The following PDE8B variants were observed in gnomAD, a reference collection of about 807,000 sequenced individuals.
PDE8B encodes the protein phosphodiesterase 8B, also known as high affinity cAMP-specific and IBMX-insensitive 3',5'-cyclic phosphodiesterase 8B.
PDE8B carries 26 observed loss-of-function variants against 101.3 expected under a neutral mutation model. The ratio of observed to expected loss-of-function variants is 0.26; its 90% CI spans 0.19 to 0.36. PDE8B has a LOEUF of 0.36. Ranked by LOEUF, PDE8B falls within the 10% of genes least tolerant of loss-of-function variation. The probability of loss-of-function intolerance (pLI) is 1.00; values close to 1 mark genes in which losing one functional copy is unlikely to be tolerated. For missense variants in PDE8B, 810 were observed against 1,163.1 expected, an observed-to-expected ratio of 0.70 and a Z score of 4.42; for synonymous variants, 424 against 429.3, an observed-to-expected ratio of 0.99 and a Z score of 0.15.
upstream of PDE8B, among the ~76,000 whole-genome samples, chr5:77,210,035 A>G (rs549199937): frequency 6.6e-6 from 1 of 152,252 alleles, no homozygotes; most frequent in African/African-American, 2.4e-5. This position sits in a 1 kb window ranked among gnomAD's most constrained non-coding sequence, Gnocchi z 4.9. Flanking sequence ...AGGTCTCTCC[A>G]TCACTTCCCG....
chr5:77,187,447 G>A, the PDE8B span, among the ~76,000 whole-genome samples: 4 of 152,140 alleles, frequency 2.6e-5, no homozygotes, highest in Non-Finnish European at 4.4e-5. Context: ...CTAAACTGAA[G>A]CCAGGAGATA....
At chr5:77,313,423 G>T (rs994740040) in intron 2 of PDE8B, among the ~76,000 whole-genome samples, 1 of 152,108 alleles carries the variant, frequency 6.6e-6, no homozygotes. Context: ...GAAAATTTCA[G>T]TAATCATTCT....
the PDE8B span, among the ~76,000 whole-genome samples, chr5:77,186,282 A>C: frequency 4.6e-5 from 7 of 152,242 alleles, no homozygotes; most frequent in East Asian, 1.3e-3. Context: ...TATTAAAGTC[A>C]TAGGTTCCTA....
At chr5:77,339,762 A>T (rs559130783) in intron 6 of PDE8B, among the ~76,000 whole-genome samples, 1 of 152,240 alleles carries the variant, frequency 6.6e-6, no homozygotes, top group South Asian at 2.1e-4. Context: ...GACAGTCTGT[A>T]CTGCAGGATG....
chr5:77,117,781 T>C, the PDE8B span, among the ~76,000 whole-genome samples: 1 of 152,214 alleles, frequency 6.6e-6, no homozygotes, highest in African/African-American at 2.4e-5. Flanking sequence ...AATCACATAC[T>C]GTCTTGTACT....
intron 5 of PDE8B, among the ~76,000 whole-genome samples, chr5:77,331,862 G>T (rs762560149): frequency 3.0e-4 from 45 of 152,206 alleles, no homozygotes; most frequent in Non-Finnish European, 5.1e-4. Context: ...GCTGGCCAGA[G>T]CTTCTACCCT....
intron 2 of PDE8B, among the ~76,000 whole-genome samples, chr5:77,316,529 G>T (rs1262346723): frequency 6.6e-6 from 1 of 152,070 alleles, no homozygotes; most frequent in Non-Finnish European, 1.5e-5. Context: ...ACCGTGCCCG[G>T]CCTGAAATTA....
chr5:77,177,329 C>A, the PDE8B span, among the ~76,000 whole-genome samples: 1 of 152,188 alleles, frequency 6.6e-6, no homozygotes, highest in African/African-American at 2.4e-5. Context: ...TAGTAATGAA[C>A]CCTGTGTACA....
At chr5:77,297,243 T>C (rs1275801015) in intron 1 of PDE8B, among the ~76,000 whole-genome samples, 5 of 152,204 alleles carry the variant, frequency 3.3e-5, no homozygotes, top group Admixed American at 3.3e-4. Flanking sequence ...AATCACGTCT[T>C]AAAGATCCCA....
intron 1 of PDE8B, among the ~76,000 whole-genome samples, chr5:77,259,688 A>G (rs1040556561): frequency 2.6e-5 from 4 of 152,200 alleles, no homozygotes; most frequent in Admixed American, 2.6e-4. Context: ...CCCTTCACCC[A>G]GCAAGTCCCC....
chr5:77,163,325 T>C, the PDE8B span, among the ~76,000 whole-genome samples: 31 of 152,340 alleles, frequency 2.0e-4, no homozygotes, highest in African/African-American at 7.5e-4. Flanking sequence ...TGCTTTCATT[T>C]ATTTAAGGGT....
chr5:77,192,807 C>T, the PDE8B span, among the ~76,000 whole-genome samples: 1 of 152,176 alleles, frequency 6.6e-6, no homozygotes, highest in Admixed American at 6.5e-5. Flanking sequence ...CAGTAATGTA[C>T]GAGAATTCCA....
chr5:77,132,519 C>T, the PDE8B span, among the ~76,000 whole-genome samples: 39 of 152,204 alleles, frequency 2.6e-4, no homozygotes, highest in Non-Finnish European at 2.4e-4. Context: ...TTTTCATTTG[C>T]TTAGTTTTCC....
In PDE8B at chr5:77,425,752, G is replaced by C; in HGVS notation, c.2419-15G>C. On this transcript the variant is annotated splice_polypyrimidine_tract_variant and intron_variant, in intron 20 of 21. Transcript: ENST00000264917. The stretch of plus-strand genomic sequence containing the variant: ...CGCATGTCCTCCAGCCCTATGTGGT[G>C]GTTTTTTCTTACAGACTGATGAAGA... 1 of 1,613,398 alleles carries C rather than the reference G, an allele frequency of 6.2e-7. No individual in the cohort carries two copies. Among genetic ancestry groups the C allele is most frequent in the Non-Finnish European group, 8.5e-7 (1 of 1,179,388 alleles).
intron 10 of PDE8B, among the ~76,000 whole-genome samples, chr5:77,378,172 AGGTAC>A (rs1786654056): frequency 6.6e-6 from 1 of 152,098 alleles, no homozygotes. Context: ...CTAGAAATGT[AGGTAC>A]TGGCCGGGCA....
intron 5 of PDE8B, among the ~76,000 whole-genome samples, chr5:77,332,573 C>T (rs1469104577): frequency 6.6e-6 from 1 of 152,156 alleles, no homozygotes; most frequent in Non-Finnish European, 1.5e-5. Context: ...CACGGTGGCT[C>T]ACGCCTGTAA....
chr5:77,367,904 G>A (rs767683301), intron 10 of PDE8B, among the ~76,000 whole-genome samples: 11 of 152,306 alleles, frequency 7.2e-5, no homozygotes, highest in East Asian at 1.9e-4. Context: ...CACTTGCAGC[G>A]TTCTTCACAA....
intron 1 of PDE8B, among the ~76,000 whole-genome samples, chr5:77,276,692 T>G (rs1388054734): frequency 6.6e-6 from 1 of 152,188 alleles, no homozygotes; most frequent in East Asian, 1.9e-4. Context: ...TAATTAATGC[T>G]TAGCCCTTCA....
At chr5:77,297,145 C>G (rs1252490206) in intron 1 of PDE8B, among the ~76,000 whole-genome samples, 4 of 152,170 alleles carry the variant, frequency 2.6e-5, no homozygotes, top group Admixed American at 2.0e-4. Context: ...GGAATTCATC[C>G]TTTTATCAAG....
Sources: gnomAD v4.1 joint callset for allele counts (sites outside exome capture counted in the v4.1 genomes callset) on GRCh38, gnomAD v4.1.1 for gene constraint, Gnocchi (gnomAD v3.1) non-coding constraint, MANE v1.5 for transcripts, NCBI Gene and HGNC (gene_info 2026-07-23, HGNC 2026-07-21) for gene names.